The following LSAMP variants were observed in gnomAD, a reference collection of about 807,000 sequenced individuals.
LSAMP encodes limbic system associated membrane protein, also known as limbic system-associated membrane protein.
A neutral mutation model predicts 38.6 loss-of-function variants in LSAMP; 7 were observed. That is an observed-to-expected ratio of 0.18 (90% CI 0.10 to 0.34). The LOEUF (loss-of-function observed/expected upper bound fraction) is 0.34, where lower values mean the gene tolerates loss of function less well. LSAMP is among the 10% of genes least tolerant of loss of function. The pLI is 1.00. For missense variants in LSAMP, 313 were observed against 420.0 expected (o/e 0.75, Z 2.23); for synonymous variants, 154 against 166.8 (o/e 0.92, Z 0.59).
chr3:116,001,490 C>A lies in LSAMP; in HGVS notation c.514+18025G>T, dbSNP rs189182600. ...CTTGTGTTAGTTTGTTATTGCTATG[C>A]AAACTCAGTGGCTTAAAATAATATA... is the stretch of plus-strand genomic sequence containing the variant. On this transcript the variant is annotated intron_variant, in intron 3 of 6. Coordinates refer to ENST00000490035, the MANE Select transcript of LSAMP (RefSeq NM_002338.5). Among the ~76,000 whole-genome samples, 57 of 152,312 alleles carry A rather than the reference C, an allele frequency of 3.7e-4. No individual in the cohort carries two copies. The East Asian group carries it at 5.4e-3, about 14-fold the overall frequency.
chr3:116,339,379 G>T (rs1224444395), intron 1 of LSAMP, among the ~76,000 whole-genome samples: 1 of 151,526 alleles, frequency 6.6e-6, no homozygotes, highest in Non-Finnish European at 1.5e-5. Flanking sequence ...AAGAGCCATA[G>T]TAAATAAACC....
intron 1 of LSAMP, among the ~76,000 whole-genome samples, chr3:116,126,673 C>A (rs557035019): frequency 2.0e-5 from 3 of 152,170 alleles, no homozygotes; most frequent in African/African-American, 7.2e-5. Context: ...ACCAGTCTGG[C>A]CAACATGGCA....
chr3:115,955,202 G>C (rs1384400917), intron 3 of LSAMP, among the ~76,000 whole-genome samples: 1 of 152,082 alleles, frequency 6.6e-6, no homozygotes, highest in Non-Finnish European at 1.5e-5. Context: ...CCAAAGTGCT[G>C]GGATTACAGG....
intron 1 of LSAMP, among the ~76,000 whole-genome samples, chr3:116,130,571 TTAAG>T (rs150765924): frequency 0.018 from 2,782 of 152,286 alleles, 81 homozygotes; most frequent in African/African-American, 0.063. Flanking sequence ...GTCTACATCA[TTAAG>T]TGTGTTGAAA....
chr3:116,194,406 T>C (rs1418291072), intron 1 of LSAMP, among the ~76,000 whole-genome samples: 2 of 150,624 alleles, frequency 1.3e-5, no homozygotes, highest in Non-Finnish European at 3.0e-5. Flanking sequence ...TGTTTGTTTG[T>C]TTGTTTGAGT....
chr3:116,115,818 A>G (rs1708729443), intron 1 of LSAMP, among the ~76,000 whole-genome samples: 1 of 152,052 alleles, frequency 6.6e-6, no homozygotes, highest in Non-Finnish European at 1.5e-5. Flanking sequence ...TCCTTTGAGT[A>G]TGACTTTTTT....
chr3:115,917,624 T>C (rs1385781386), intron 3 of LSAMP, among the ~76,000 whole-genome samples: 1 of 152,082 alleles, frequency 6.6e-6, no homozygotes, highest in Non-Finnish European at 1.5e-5. Flanking sequence ...CATCAAACAC[T>C]CTTTTAAATT....
intron 6 of LSAMP, among the ~76,000 whole-genome samples, chr3:115,817,621 G>C (rs1934074369): frequency 2.6e-5 from 4 of 152,148 alleles, no homozygotes; most frequent in Admixed American, 2.6e-4. Context: ...GAACAACTTA[G>C]CAGGTGCTCA....
chr3:116,172,719 C>T (rs1710232060), intron 1 of LSAMP, among the ~76,000 whole-genome samples: 1 of 152,044 alleles, frequency 6.6e-6, no homozygotes, highest in South Asian at 2.1e-4. Context: ...GAAATATAAG[C>T]ACCTAATTTC....
intron 1 of LSAMP, among the ~76,000 whole-genome samples, chr3:116,209,141 C>T (rs938833226): frequency 3.9e-5 from 6 of 152,158 alleles, no homozygotes; most frequent in East Asian, 1.9e-4. Context: ...GCGCAGTATT[C>T]GGGTGGGAGT....
At chr3:116,442,362 G>A (rs891405070) in intron 1 of LSAMP, among the ~76,000 whole-genome samples, 4 of 151,948 alleles carry the variant, frequency 2.6e-5, no homozygotes, top group Admixed American at 6.6e-5. Flanking sequence ...TCACTTTCTC[G>A]GTGCCAGACA....
intron 3 of LSAMP, among the ~76,000 whole-genome samples, chr3:115,944,009 C>A (rs1214068983): frequency 1.3e-5 from 2 of 152,130 alleles, no homozygotes; most frequent in Non-Finnish European, 2.9e-5. Context: ...TGATACATAA[C>A]CAAATCCACA....
At chr3:116,186,029 C>T (rs1710608810) in intron 1 of LSAMP, among the ~76,000 whole-genome samples, 1 of 151,702 alleles carries the variant, frequency 6.6e-6, no homozygotes, top group African/African-American at 2.4e-5. Flanking sequence ...ATGCTAGGTA[C>T]TTTTATCTTT....
chr3:116,198,497 C>G (rs770871010), intron 1 of LSAMP, among the ~76,000 whole-genome samples: 1 of 152,070 alleles, frequency 6.6e-6, no homozygotes, highest in South Asian at 2.1e-4. Context: ...GAGCTGGGCA[C>G]GGTGGCTCAC....
At chr3:116,306,149 T>C (rs930044333) in intron 1 of LSAMP, among the ~76,000 whole-genome samples, 2 of 152,018 alleles carry the variant, frequency 1.3e-5, no homozygotes, top group Admixed American at 6.6e-5. Context: ...GTACAATCTT[T>C]GTCCTCAAAT....
intron 3 of LSAMP, among the ~76,000 whole-genome samples, chr3:115,905,463 C>T (rs1936985372): frequency 6.6e-6 from 1 of 151,988 alleles, no homozygotes; most frequent in Non-Finnish European, 1.5e-5. Context: ...CATTATAAGC[C>T]CCCAAAATGT....
At chr3:116,210,229 T>C (rs1201062997) in intron 1 of LSAMP, among the ~76,000 whole-genome samples, 3 of 152,180 alleles carry the variant, frequency 2.0e-5, no homozygotes, top group African/African-American at 7.2e-5. Context: ...GATGGAAGGA[T>C]GCAAAGTATT....
At chr3:116,207,705 T>C (rs2046090064) in intron 1 of LSAMP, among the ~76,000 whole-genome samples, 1 of 151,494 alleles carries the variant, frequency 6.6e-6, no homozygotes, top group African/African-American at 2.4e-5. Flanking sequence ...TTGAAAATTC[T>C]TTTCTTTAAG....
rs79161437 is a variant in LSAMP, at chr3:116,036,831, C to T, written c.389-17191G>A. ...AGAAATTGCTTGAGGAAATATTGTA[C>T]TAAAAATTCTTACTTTGCAGTCCAG... On this transcript the variant is annotated intron_variant, in intron 2 of 6. Coordinates refer to ENST00000490035, the MANE Select transcript of LSAMP (RefSeq NM_002338.5). Among the ~76,000 whole-genome samples, 577 of 152,232 alleles carry T rather than the reference C, an allele frequency of 3.8e-3. 10 individuals carry two copies. The highest frequency in any genetic ancestry group is 0.024 in the East Asian group (126 of 5,184).
Sources: gnomAD v4.1 joint callset for allele counts (sites outside exome capture counted in the v4.1 genomes callset) on GRCh38, gnomAD v4.1.1 for gene constraint, MANE v1.5 for transcripts, NCBI Gene and HGNC (gene_info 2026-07-23, HGNC 2026-07-21) for gene names.